RASL12: variants seen among roughly 807,000 people sequenced by gnomAD.
RASL12 encodes the protein RAS like family 12.
In RASL12, 16 loss-of-function variants were observed where a neutral mutation model predicts 22.9. The ratio of observed to expected loss-of-function variants is 0.70; its 90% CI spans 0.47 to 1.06. The LOEUF (loss-of-function observed/expected upper bound fraction) is 1.06. Among genes scored for constraint, RASL12 ranks in the 50% least tolerant of loss-of-function variants. RASL12 has a pLI of 0.00. For missense variants in RASL12, 306 were observed against 353.1 expected (o/e 0.87, Z 1.07); for synonymous variants, 159 against 152.2 (o/e 1.04, Z -0.33).
At chr15:65,065,384 C>A in intron 1 of RASL12, 111 bp from the exon 2 acceptor site, 1 of 967,222 alleles carries the variant, frequency 1.0e-6, no homozygotes, top group Non-Finnish European at 1.6e-6. Flanking sequence ...TGACACCAAG[C>A]TCAGCTCTCC....
downstream of RASL12, among the ~76,000 whole-genome samples, chr15:65,048,871 G>A (rs911906228): frequency 7.9e-5 from 12 of 152,136 alleles, no homozygotes; most frequent in African/African-American, 2.9e-4. Flanking sequence ...TAGTGGGGCG[G>A]TAGTGACATG....
At chr15:65,068,998 G>A (rs139923206), upstream of RASL12, among the ~76,000 whole-genome samples, 1,165 of 152,292 alleles carry the variant, frequency 7.6e-3, 4 homozygotes, top group Non-Finnish European at 0.012. This position sits in a 1 kb window ranked among gnomAD's most constrained non-coding sequence, Gnocchi z 4.2. Context: ...TCTGGAGTAC[G>A]CTCCAGGTTA....
intron 2 of RASL12, among the ~76,000 whole-genome samples, chr15:65,062,647 T>C (rs2086823798): frequency 6.6e-6 from 1 of 152,232 alleles, no homozygotes; most frequent in Admixed American, 6.5e-5. Context: ...AGTACTGTGC[T>C]ACCTGCTGGA....
downstream of RASL12, chr15:65,051,439 C>A: frequency 7.0e-7 from 1 of 1,424,238 alleles, no homozygotes; most frequent in Non-Finnish European, 9.9e-7. Context: ...GGGTCTGAGC[C>A]CAGGCCCCAG....
intron 3 of RASL12, 135 bp from the exon 4 acceptor site, chr15:65,058,752 C>T (rs2086767005): frequency 1.3e-5 from 8 of 636,718 alleles, no homozygotes; most frequent in Non-Finnish European, 1.8e-5. Flanking sequence ...TTCAAAGGGG[C>T]ACTTGAGTGT....
At position 65,058,483 on chromosome 15, in the gene RASL12, T is replaced by C; in HGVS notation, c.369A>G (p.Thr123=). 6.2e-7 allele frequency: 1 copy of C among 1,609,334 alleles called. No individual in the cohort carries two copies. Among genetic ancestry groups the C allele is most frequent in the East Asian group, 2.2e-5 (1 of 44,712 alleles). ...LELLALHAKE[T]QRSIPALLLG... ...GCAGCAGGGCAGGGATGCTGCGCTGTGTCTCCTTCGCGTGCAAGGCAAGCA... is the reference window on the plus strand; with the variant it reads ...GCAGCAGGGCAGGGATGCTGCGCTGCGTCTCCTTCGCGTGCAAGGCAAGCA... The change falls in exon 4 of 5, where the codon ACA becomes ACG. Residue 123 remains threonine, a synonymous_variant. Transcript: ENST00000220062.
chr15:65,072,260 A>G (rs1204718670), upstream of RASL12, among the ~76,000 whole-genome samples: 1 of 152,176 alleles, frequency 6.6e-6, no homozygotes, highest in Admixed American at 6.5e-5. Flanking sequence ...GCAGAGTCAG[A>G]GATATTTCTG....
In RASL12 at chr15:65,065,202, G is replaced by C. The variant is rs776602770; in HGVS notation, c.160+15C>G. 4 of 1,611,042 alleles carry C rather than the reference G, an allele frequency of 2.5e-6. No homozygotes were observed. In the South Asian group the frequency reaches 4.4e-5, roughly 18 times the overall value. ...GGGGCACAGGCAGCAGAAGGTACGGGGAGTAGTTTCTTACCCAAGTTGGGG... is the reference window on the plus strand; with the variant it reads ...GGGGCACAGGCAGCAGAAGGTACGGCGAGTAGTTTCTTACCCAAGTTGGGG... On this transcript the variant is annotated intron_variant, in intron 2 of 4. Transcript: ENST00000220062.
In RASL12 at chr15:65,054,905, G is replaced by T. The variant is rs764038392; in HGVS notation, c.795C>A (p.Ile265=). 8 of 1,608,102 alleles carry T rather than the reference G, an allele frequency of 5.0e-6. No homozygotes were observed. In the South Asian group the frequency reaches 8.8e-5, roughly 18 times the overall value. ...PTLTLLKGFK[I]F ...GCTTCCTGGGGAGGGGGCCTCAGAA[G>T]ATCTTGAAGCCCTTCAGGAGAGTCA... Residue 265 remains isoleucine (I), a synonymous_variant, in exon 5 of 5, where the codon ATC becomes ATA. Transcript: ENST00000220062.
downstream of RASL12, chr15:65,052,838 G>A (rs1211298881): frequency 2.1e-5 from 16 of 761,854 alleles, no homozygotes; most frequent in East Asian, 1.3e-4. Flanking sequence ...AACCATTGCC[G>A]CTTCTCCTCT....
At position 65,067,902 on chromosome 15, in the gene RASL12, G is replaced by C. The variant is rs990808885; in HGVS notation, c.-67C>G. 7.4e-7 allele frequency: 1 copy of C among 1,358,784 alleles called. No individual in the cohort carries two copies. The highest frequency in any genetic ancestry group is 9.4e-7 in the Non-Finnish European group (1 of 1,060,640). The allele number at this position is 1,358,784 out of a possible 1,614,324, so 84.2% of individuals were successfully genotyped here. ...CCCCGCGCAGTGCGCCCGCCCGTCG[G>C]GGCCCAGGGGAGCGGGATGCAGGCT... On this transcript the variant is annotated 5_prime_UTR_variant, in exon 1 of 5. Transcript: ENST00000220062.
intron 1 of RASL12, 84 bp downstream of exon 1, chr15:65,067,649 C>A (rs1254739787): frequency 4.9e-6 from 7 of 1,442,626 alleles, no homozygotes; most frequent in South Asian, 1.4e-5. Context: ...AGTGGAAGAA[C>A]CTGCCCCCAA....
upstream of RASL12, chr15:65,068,107 T>A: frequency 9.6e-7 from 1 of 1,039,230 alleles, no homozygotes; most frequent in Middle Eastern, 4.5e-4. This position sits in a 1 kb window ranked among gnomAD's most constrained non-coding sequence, Gnocchi z 4.2. Flanking sequence ...AGCCGGCTCC[T>A]GGAGCAGGGA....
At chr15:65,047,441 G>A in the RASL12 span, among the ~76,000 whole-genome samples, 1 of 151,888 alleles carries the variant, frequency 6.6e-6, no homozygotes, top group South Asian at 2.1e-4. Flanking sequence ...CAGTGTATAC[G>A]CATAAGAAAC....
rs1185815142 is a variant in RASL12, at chr15:65,053,585, T to C, written c.*1314A>G. On this transcript the variant is annotated 3_prime_UTR_variant, in exon 5 of 5. Transcript: ENST00000220062. ...TTACAGAATGAGTCCGAAGACTGGGTCAGAGATGCTGTTTGCAATCCAACA... is the reference window on the plus strand; with the variant it reads ...TTACAGAATGAGTCCGAAGACTGGGCCAGAGATGCTGTTTGCAATCCAACA... The C allele has an allele frequency of 1.0e-6, 1 of 1,000,654 alleles. No individual in the cohort carries two copies. Among genetic ancestry groups the C allele is most frequent in the Non-Finnish European group, 1.2e-6 (1 of 839,616 alleles). The allele number at this position is 1,000,654 out of a possible 1,614,324, so 62.0% of individuals were successfully genotyped here. A position where few individuals can be genotyped will look rare whatever the true frequency, so the allele number is the denominator to read the frequency against.
At chr15:65,061,309 G>A (rs776697273) in intron 2 of RASL12, among the ~76,000 whole-genome samples, 13 of 152,196 alleles carry the variant, frequency 8.5e-5, no homozygotes, top group South Asian at 4.1e-4. Context: ...CCCTCACCCC[G>A]TGACTGCTCA....
downstream of RASL12, among the ~76,000 whole-genome samples, chr15:65,051,202 G>A (rs2086649108): frequency 6.6e-6 from 1 of 152,150 alleles, no homozygotes; most frequent in African/African-American, 2.4e-5. Flanking sequence ...TGAAGATTGT[G>A]AAGTTTATCT....
Position 65,067,675 on chromosome 15 carries a change from T to A in RASL12, c.103+58A>T, listed in dbSNP as rs902778719. The A allele has an allele frequency of 4.0e-6, 6 of 1,488,754 alleles. No homozygotes were observed. The African/African-American group carries it at 8.8e-5, about 22-fold the overall frequency. 92.2% of individuals were successfully genotyped at this position (1,488,754 alleles called of 1,614,324 possible). ...CTGCCCCCAAGAGCACAGCCCACTG[T>A]CCCCCCACCCACGCCCAGCTCCGCA... On this transcript the variant is annotated intron_variant, in intron 1 of 4. Transcript: ENST00000220062.
At chr15:65,075,845 C>A (rs2086964205) in intron 1 of RASL12, among the ~76,000 whole-genome samples, 1 of 151,114 alleles carries the variant, frequency 6.6e-6, no homozygotes, top group African/African-American at 2.4e-5. Flanking sequence ...TTATGTCTAG[C>A]TCAGGGATTG....
Sources: allele counts gnomAD v4.1 joint callset (sites outside exome capture counted in the v4.1 genomes callset), GRCh38; gene constraint gnomAD v4.1.1; non-coding constraint Gnocchi (gnomAD v3.1); transcripts MANE v1.5; gene names NCBI Gene and HGNC (gene_info 2026-07-23, HGNC 2026-07-21).